PHACTR3: variants seen among roughly 807,000 people sequenced by gnomAD.
The protein encoded by PHACTR3 is phosphatase and actin regulator 3, also known as protein phosphatase 1, regulatory subunit 123.
PHACTR3 carries 16 observed loss-of-function variants against 66.8 expected under a neutral mutation model. The observed-to-expected ratio is 0.24, with a 90% CI of 0.16 to 0.36. PHACTR3 has a LOEUF of 0.36. Ranked by LOEUF, PHACTR3 falls within the 10% of genes least tolerant of loss-of-function variation. The pLI is 1.00. For missense variants in PHACTR3, 647 were observed against 719.9 expected (o/e 0.90, Z 1.16); for synonymous variants, 323 against 292.1 (o/e 1.11, Z -1.08).
At chr20:59,799,096 A>AT (rs1049175877) in intron 7 of PHACTR3, among the ~76,000 whole-genome samples, 268 of 149,772 alleles carry the variant, frequency 1.8e-3, no homozygotes, top group African/African-American at 5.9e-3. Context: ...TTTTAGAGGT[A>AT]TTTTTTTTTG....
In PHACTR3 at chr20:59,771,170, C is replaced by A. The variant is rs929601826; in HGVS notation, c.752-2109C>A. 3.9e-5 allele frequency among the ~76,000 whole-genome samples: 6 copies of A among 152,212 alleles called. No homozygotes were observed. The South Asian group carries it at 1.0e-3, about 26-fold the overall frequency. On this transcript the variant is annotated intron_variant, in intron 5 of 12. Transcript: ENST00000371015. The stretch of plus-strand genomic sequence containing the variant: ...CTCCACCAAGCTGAGCGAGAGCAGG[C>A]AAACCACGCTGCCTCAGTTTCCCTA...
chr20:59,784,328 AT>A (rs2040832580), intron 7 of PHACTR3, among the ~76,000 whole-genome samples: 2 of 146,424 alleles, frequency 1.4e-5, no homozygotes, highest in Non-Finnish European at 2.9e-5. Flanking sequence ...ATATATATAT[AT>A]ATGTGTATAT....
chr20:59,739,131 G>C (rs1006103850), intron 1 of PHACTR3, among the ~76,000 whole-genome samples: 1 of 152,156 alleles, frequency 6.6e-6, no homozygotes, highest in Non-Finnish European at 1.5e-5. Flanking sequence ...CAGCTGCCCT[G>C]GTTCCACACA....
intron 7 of PHACTR3, among the ~76,000 whole-genome samples, chr20:59,786,973 G>A (rs568792789): frequency 3.9e-5 from 6 of 151,914 alleles, no homozygotes; most frequent in East Asian, 3.9e-4. Context: ...GCAATCCAAC[G>A]TGCGTGTGTT....
chr20:59,654,308 T>C (rs1047256980), intron 1 of PHACTR3, among the ~76,000 whole-genome samples: 2 of 152,196 alleles, frequency 1.3e-5, no homozygotes, highest in African/African-American at 4.8e-5. Flanking sequence ...GAACGTCTTC[T>C]TTATAGAAAA....
intron 11 of PHACTR3, among the ~76,000 whole-genome samples, chr20:59,841,749 C>G (rs2059066341): frequency 6.6e-6 from 1 of 152,120 alleles, no homozygotes. Flanking sequence ...TTGGCAATGT[C>G]TAGAGACATT....
chr20:59,657,213 C>T lies in PHACTR3; in HGVS notation c.118+52081C>T, dbSNP rs192654933. On this transcript the variant is annotated intron_variant, in intron 1 of 12. Coordinates refer to ENST00000371015, the MANE Select transcript of PHACTR3 (RefSeq NM_080672.5). Reference sequence around the variant, plus strand: ...ATACTTCCTTTGCGTTATTGTCAAACATTTTACATTTCTGTATGTTATAGG... The same window carrying T: ...ATACTTCCTTTGCGTTATTGTCAAATATTTTACATTTCTGTATGTTATAGG... 3.4e-3 allele frequency among the ~76,000 whole-genome samples: 514 copies of T among 151,770 alleles called. 1 individual carries two copies. Among genetic ancestry groups the T allele is most frequent in the African/African-American group, 0.011 (474 of 41,434 alleles).
chr20:59,655,596 C>T (rs1319761604), intron 1 of PHACTR3, among the ~76,000 whole-genome samples: 4 of 151,842 alleles, frequency 2.6e-5, no homozygotes, highest in Admixed American at 1.3e-4. Flanking sequence ...CTTCAAAGAA[C>T]CAACTCTTTA....
intron 1 of PHACTR3, chr20:59,627,039 C>G (rs2034476988): frequency 6.6e-6 from 1 of 152,232 alleles, no homozygotes; most frequent in African/African-American, 2.4e-5. Flanking sequence ...CACAGCACAG[C>G]CATGAGCCCA....
At chr20:59,682,680 G>A (rs11699273) in intron 1 of PHACTR3, among the ~76,000 whole-genome samples, 4,318 of 152,324 alleles carry the variant, frequency 0.028, 80 homozygotes, top group Middle Eastern at 0.054. Context: ...GAGCAAAGCC[G>A]TGAAGGCGGT....
At chr20:59,785,602 A>G (rs1320398466) in intron 7 of PHACTR3, among the ~76,000 whole-genome samples, 1 of 152,210 alleles carries the variant, frequency 6.6e-6, no homozygotes, top group Non-Finnish European at 1.5e-5. Context: ...ATGATTCGCC[A>G]GCGACCTGAG....
intron 7 of PHACTR3, among the ~76,000 whole-genome samples, chr20:59,782,359 C>T (rs2040753743): frequency 6.6e-6 from 1 of 152,158 alleles, no homozygotes; most frequent in African/African-American, 2.4e-5. Context: ...TCAAACAATT[C>T]TCCTGCCCCA....
chr20:59,826,703 G>C (rs1355946894), intron 8 of PHACTR3, among the ~76,000 whole-genome samples: 1 of 152,092 alleles, frequency 6.6e-6, no homozygotes, highest in African/African-American at 2.4e-5. Flanking sequence ...GGCCCTGCCT[G>C]TTACGCCTGC....
intron 1 of PHACTR3, among the ~76,000 whole-genome samples, chr20:59,697,856 A>G (rs1378867414): frequency 6.6e-6 from 1 of 152,202 alleles, no homozygotes; most frequent in East Asian, 1.9e-4. Flanking sequence ...TTATTTTGTG[A>G]GCATTTTCTC....
chr20:59,787,440 A>C (rs2040950919), intron 7 of PHACTR3, among the ~76,000 whole-genome samples: 1 of 152,368 alleles, frequency 6.6e-6, no homozygotes, highest in African/African-American at 2.4e-5. Flanking sequence ...AAAGGGAAGA[A>C]GACAGGCAGA....
intron 1 of PHACTR3, among the ~76,000 whole-genome samples, chr20:59,653,493 T>G (rs2035524964): frequency 6.6e-6 from 1 of 152,198 alleles, no homozygotes; most frequent in South Asian, 2.1e-4. Flanking sequence ...TGTGAGAAAG[T>G]AATTTCTTTA....
At position 59,753,994 on chromosome 20, in the gene PHACTR3, G is replaced by T. The variant is rs185420798; in HGVS notation, c.359-1188G>T. 3.4e-3 allele frequency among the ~76,000 whole-genome samples: 522 copies of T among 152,332 alleles called. 2 individuals carry two copies. Among genetic ancestry groups the T allele is most frequent in the Non-Finnish European group, 5.3e-3 (359 of 68,024 alleles). ...GCTAGCATCCCCAAACGGCCACCTC[G>T]TGGCTGTGTCGACATGTGCAGGTCA... On this transcript the variant is annotated intron_variant, in intron 3 of 12. Transcript: ENST00000371015.
At chr20:59,645,896 C>G (rs1301928498) in intron 1 of PHACTR3, among the ~76,000 whole-genome samples, 1 of 152,140 alleles carries the variant, frequency 6.6e-6, no homozygotes, top group Non-Finnish European at 1.5e-5. Context: ...CCTCCCCTGT[C>G]CTGTATTTTT....
chr20:59,757,956 C>T (rs1336981753), intron 4 of PHACTR3, among the ~76,000 whole-genome samples: 1 of 152,112 alleles, frequency 6.6e-6, no homozygotes, highest in African/African-American at 2.4e-5. Context: ...GGCGACAGAG[C>T]CAGACCCTGC....
Sources: gnomAD v4.1 joint callset for allele counts (sites outside exome capture counted in the v4.1 genomes callset) on GRCh38, gnomAD v4.1.1 for gene constraint, MANE v1.5 for transcripts, NCBI Gene and HGNC (gene_info 2026-07-23, HGNC 2026-07-21) for gene names.